Variants in KIFC3 observed in about 807,000 individuals in gnomAD.
KIFC3 encodes the protein kinesin family member C3, also known as kinesin-like protein KIFC3.
Under a neutral mutation model 101.8 loss-of-function variants are expected in KIFC3, and 60 were observed. The observed-to-expected ratio is 0.59, with a 90% confidence interval of 0.48 to 0.73. KIFC3 has a LOEUF of 0.73. Among genes scored for constraint, KIFC3 ranks in the 30% least tolerant of loss-of-function variants. KIFC3 has a pLI of 0.00. For synonymous variants in KIFC3, 476 were observed against 482.7 expected (o/e 0.99, Z 0.18); for missense variants, 966 against 1,137.1 (o/e 0.85, Z 2.16).
chr16:57,764,275 T>TGGGGGGGGGGGTGGGGGGGTGGG, intron 11 of KIFC3, 28 bp from the exon 12 acceptor site: 1 of 539,938 alleles, frequency 1.9e-6, no homozygotes, highest in Non-Finnish European at 3.5e-6. Flanking sequence ...GGGAGGCTGG[T>TGGGGGGGGGGGTGGGGGGGTGGG]GGGGGGGCTT....
intron 3 of KIFC3, chr16:57,790,930 C>G: frequency 4.1e-6 from 4 of 985,246 alleles, no homozygotes; most frequent in Non-Finnish European, 4.8e-6. Flanking sequence ...GCAGACACAC[C>G]TCTTATATTT....
intron 3 of KIFC3, among the ~76,000 whole-genome samples, chr16:57,791,604 G>A (rs1027039464): frequency 6.6e-6 from 1 of 152,190 alleles, no homozygotes; most frequent in Non-Finnish European, 1.5e-5. Flanking sequence ...GTGGGGGCCC[G>A]CCAGGATGTG....
chr16:57,803,411 G>A, upstream of KIFC3: 1 of 517,000 alleles, frequency 1.9e-6, no homozygotes, highest in Non-Finnish European at 3.7e-6. Context: ...AGAGGAGAAA[G>A]CAAGTCACTC....
At chr16:57,851,430 T>A (rs2056055618) in intron 1 of KIFC3, among the ~76,000 whole-genome samples, 1 of 152,184 alleles carries the variant, frequency 6.6e-6, no homozygotes, top group African/African-American at 2.4e-5. Flanking sequence ...ATTTTTCTTG[T>A]GTTTATTTTA....
chr16:57,829,109 A>T (rs1311620711), intron 1 of KIFC3, among the ~76,000 whole-genome samples: 1 of 152,224 alleles, frequency 6.6e-6, no homozygotes, highest in Non-Finnish European at 1.5e-5. Context: ...AATTTCACTT[A>T]AAATCAGAAG....
chr16:57,825,203 G>A (rs1349906319), intron 1 of KIFC3, among the ~76,000 whole-genome samples: 2 of 152,146 alleles, frequency 1.3e-5, no homozygotes, highest in Non-Finnish European at 1.5e-5. Context: ...GCTGAGCAGC[G>A]AGTCCCACAC....
chr16:57,830,907 T>A (rs2055568145), intron 1 of KIFC3, among the ~76,000 whole-genome samples: 1 of 152,192 alleles, frequency 6.6e-6, no homozygotes, highest in African/African-American at 2.4e-5. Context: ...GGCCACACTA[T>A]GAGGTCAGCC....
intron 1 of KIFC3, among the ~76,000 whole-genome samples, chr16:57,811,640 G>A (rs532618152): frequency 7.4e-4 from 113 of 152,252 alleles, no homozygotes; most frequent in African/African-American, 2.7e-3. Context: ...GTGGGGCCAA[G>A]CGGAGTGGCT....
chr16:57,797,675 G>A (rs142761644), intron 2 of KIFC3: 29,851 of 1,119,086 alleles, frequency 0.027, 470 homozygotes, highest in Non-Finnish European at 0.029. Flanking sequence ...TGTCAGCGGC[G>A]CTTGGTGCCC....
intron 3 of KIFC3, among the ~76,000 whole-genome samples, chr16:57,774,481 G>A (rs961370139): frequency 1.3e-5 from 2 of 151,930 alleles, no homozygotes; most frequent in Non-Finnish European, 2.9e-5. Context: ...GGGTCTCTGG[G>A]CTGTGGAATT....
chr16:57,813,393 C>T (rs1382001094), intron 1 of KIFC3, among the ~76,000 whole-genome samples: 2 of 151,476 alleles, frequency 1.3e-5, no homozygotes, highest in African/African-American at 4.9e-5. Flanking sequence ...AAAGGAGAAG[C>T]CAGAGGATCT....
At chr16:57,834,892 A>G (rs2055654704) in intron 1 of KIFC3, among the ~76,000 whole-genome samples, 1 of 152,244 alleles carries the variant, frequency 6.6e-6, no homozygotes, top group South Asian at 2.1e-4. Context: ...CAGAGGAAGC[A>G]ATTCATGAGC....
chr16:57,761,564 C>A, intron 13 of KIFC3, 28 bp from the exon 14 acceptor site: 1 of 1,606,090 alleles, frequency 6.2e-7, no homozygotes, highest in South Asian at 1.1e-5. Flanking sequence ...ACAGTCACCC[C>A]CTCCTCCCAT....
chr16:57,780,615 G>A (rs2052610621), intron 3 of KIFC3, among the ~76,000 whole-genome samples: 2 of 138,784 alleles, frequency 1.4e-5, no homozygotes, highest in African/African-American at 5.2e-5. Context: ...AGCCAAACAA[G>A]ACACATTTGA....
intron 1 of KIFC3, among the ~76,000 whole-genome samples, chr16:57,839,116 C>G (rs1431767794): frequency 2.0e-5 from 3 of 151,858 alleles, no homozygotes; most frequent in Non-Finnish European, 4.4e-5. Flanking sequence ...TTACTTGAGG[C>G]CAGGAGGTCA....
At chr16:57,849,150 C>T (rs768928223) in intron 1 of KIFC3, among the ~76,000 whole-genome samples, 13 of 152,174 alleles carry the variant, frequency 8.5e-5, no homozygotes, top group Non-Finnish European at 1.9e-4. Flanking sequence ...TGGCTCTACT[C>T]GTCTAAATTT....
In KIFC3 at chr16:57,764,260, TG is replaced by T. The variant is rs782687857; in HGVS notation, c.1513-14del. ...CCTCCTGGAACACCTGGGAGGGTGG[TG>T]GGAGGGAGGCTGGTGGGGGGGCTTC... On this transcript the variant is annotated splice_polypyrimidine_tract_variant and intron_variant, in intron 11 of 19. Coordinates refer to ENST00000445690, the MANE Select transcript of KIFC3 (RefSeq NM_001130100.2). The T allele has an allele frequency of 7.0e-6, 4 of 568,474 alleles. No homozygotes were observed. The highest frequency in any genetic ancestry group is 1.3e-5 in the Non-Finnish European group (4 of 301,624). The allele number at this position is 568,474 out of a possible 1,614,324, so 35.2% of individuals were successfully genotyped here.
chr16:57,801,639 A>C (rs2054730531), intron 1 of KIFC3, among the ~76,000 whole-genome samples: 1 of 152,226 alleles, frequency 6.6e-6, no homozygotes, highest in East Asian at 1.9e-4. Flanking sequence ...CACAACCCGC[A>C]ATCTTGAGAC....
intron 1 of KIFC3, chr16:57,816,507 C>G (rs782795643): frequency 2.2e-6 from 1 of 456,804 alleles, no homozygotes; most frequent in African/African-American, 2.0e-5. Context: ...AAGCAGCTGA[C>G]GTTCCTTGTC....
Sources: gnomAD v4.1 joint callset for allele counts (sites outside exome capture counted in the v4.1 genomes callset) on GRCh38, gnomAD v4.1.1 for gene constraint, MANE v1.5 for transcripts, NCBI Gene and HGNC (gene_info 2026-07-23, HGNC 2026-07-21) for gene names.